The following DAB2IP variants were observed in gnomAD, a reference collection of about 807,000 sequenced individuals.
The protein encoded by DAB2IP is DAB2 interacting protein.
In DAB2IP, 28 loss-of-function variants were observed where a neutral mutation model predicts 107.2. That is an observed-to-expected ratio of 0.26 (90% CI 0.19 to 0.36). The LOEUF is 0.36. Ranked by LOEUF, DAB2IP falls within the 10% of genes least tolerant of loss-of-function variation. The probability of loss-of-function intolerance (pLI) is 1.00; values close to 1 mark genes in which losing one functional copy is unlikely to be tolerated. For missense variants in DAB2IP, 1,400 were observed against 1,644.7 expected (o/e 0.85, Z 2.57); for synonymous variants, 755 against 706.4 (o/e 1.07, Z -1.09).
At position 121,592,717 on chromosome 9, in the gene DAB2IP, T is replaced by C. The variant is rs115183513; in HGVS notation, c.40+25489T>C. ...TGCCTTGATGGAAGAACTCGACAAG[T>C]GGACATACGTGGATTTTGCAGATAT... On this transcript the variant is annotated intron_variant, in intron 1 of 16. Transcript: ENST00000259371. 3.7e-3 allele frequency among the ~76,000 whole-genome samples: 567 copies of C among 152,342 alleles called. 3 individuals carry two copies. The highest frequency in any genetic ancestry group is 0.013 in the African/African-American group (544 of 41,582).
intron 3 of DAB2IP, among the ~76,000 whole-genome samples, chr9:121,732,170 G>A (rs942457800): frequency 6.6e-6 from 1 of 152,162 alleles, no homozygotes; most frequent in African/African-American, 2.4e-5. Flanking sequence ...TCAGCCCCTG[G>A]CACACTATGC....
chr9:121,728,247 C>T (rs1831342378), intron 3 of DAB2IP, among the ~76,000 whole-genome samples: 1 of 152,114 alleles, frequency 6.6e-6, no homozygotes, highest in Non-Finnish European at 1.5e-5. Context: ...ACTCAAAACC[C>T]AGGTCAGTCT....
rs890949485 is a variant in DAB2IP at position 121,782,198 on chromosome 9, C to T, written c.3403-133C>T. The T allele has an allele frequency of 1.4e-6, 2 of 1,421,276 alleles. No individual in the cohort carries two copies. The highest frequency in any genetic ancestry group is 4.9e-5 in the Admixed American group (2 of 40,780). The allele number at this position is 1,421,276 out of a possible 1,614,324, so 88.0% of individuals were successfully genotyped here. A position where few individuals can be genotyped will look rare whatever the true frequency, so the allele number is the denominator to read the frequency against. ...GAGGCCTCTGCCTACCTTCTCTTGC[C>T]AGCTGCTCACAGCCCGGAGCCTGCC... On this transcript the variant is annotated intron_variant, in intron 15 of 15. Transcript: ENST00000408936. The surrounding 1 kb of genome is among the most constrained non-coding windows in gnomAD (Gnocchi z 6.1).
At chr9:121,679,046 C>T (rs531785606) in intron 2 of DAB2IP, among the ~76,000 whole-genome samples, 7 of 152,330 alleles carry the variant, frequency 4.6e-5, no homozygotes, top group East Asian at 1.9e-4. Flanking sequence ...TGGGGCCCAG[C>T]GCTGAGCTGG....
At chr9:121,708,161 C>T (rs972392250) in intron 3 of DAB2IP, among the ~76,000 whole-genome samples, 1 of 152,184 alleles carries the variant, frequency 6.6e-6, no homozygotes, top group Admixed American at 6.5e-5. Context: ...AGTGACTTGC[C>T]TAAGCACTTC....
intron 1 of DAB2IP, among the ~76,000 whole-genome samples, chr9:121,625,020 T>C (rs1013726575): frequency 5.9e-5 from 9 of 152,058 alleles, no homozygotes; most frequent in Non-Finnish European, 1.2e-4. Context: ...GTCCAGGGCA[T>C]GGATGAGGGG....
At chr9:121,611,793 C>G (rs1384892329) in intron 1 of DAB2IP, among the ~76,000 whole-genome samples, 1 of 152,024 alleles carries the variant, frequency 6.6e-6, no homozygotes, top group Non-Finnish European at 1.5e-5. Context: ...CCATGTTTGC[C>G]AGGGTGGTCT....
intron 1 of DAB2IP, among the ~76,000 whole-genome samples, chr9:121,637,081 C>G (rs1832115103): frequency 6.6e-6 from 1 of 152,226 alleles, no homozygotes; most frequent in African/African-American, 2.4e-5. Flanking sequence ...TAGCCTCCAG[C>G]CCCTTCTCAT....
At chr9:121,624,817 C>T (rs1189428422) in intron 1 of DAB2IP, among the ~76,000 whole-genome samples, 1 of 152,206 alleles carries the variant, frequency 6.6e-6, no homozygotes, top group African/African-American at 2.4e-5. Flanking sequence ...ACTGTACCTA[C>T]CTTCTGGAAT....
chr9:121,635,251 T>C lies in DAB2IP; in HGVS notation c.41-43427T>C, dbSNP rs1235431736. Among the ~76,000 whole-genome samples, 1 of 152,140 alleles carries C rather than the reference T, an allele frequency of 6.6e-6. No homozygotes were observed. The highest frequency in any genetic ancestry group is 2.4e-5 in the African/African-American group (1 of 41,420). ...ACAGCACTAATTCAATGCCTAAAAA[T>C]AACCTCGGACCTGGTAGGGCACTTC... On this transcript the variant is annotated intron_variant, in intron 1 of 16. Transcript: ENST00000259371. This position sits in a 1 kb window ranked among gnomAD's most constrained non-coding sequence, Gnocchi z 4.3.
chr9:121,672,987 G>T (rs1833741977), intron 1 of DAB2IP, among the ~76,000 whole-genome samples: 1 of 152,234 alleles, frequency 6.6e-6, no homozygotes, highest in East Asian at 1.9e-4. Flanking sequence ...CCCCGAGGCT[G>T]AATCCCCAGG....
chr9:121,712,873 A>T (rs1273286173), intron 3 of DAB2IP, among the ~76,000 whole-genome samples: 1 of 152,234 alleles, frequency 6.6e-6, no homozygotes, highest in Non-Finnish European at 1.5e-5. Flanking sequence ...TAGAGGCTTT[A>T]ATGTGCCAGC....
At chr9:121,664,487 A>T (rs1298040629) in intron 1 of DAB2IP, among the ~76,000 whole-genome samples, 1 of 152,212 alleles carries the variant, frequency 6.6e-6, no homozygotes, top group African/African-American at 2.4e-5. Context: ...TTGGGGAGAA[A>T]TGTCAACTAA....
At chr9:121,624,756 C>T (rs758793972) in intron 1 of DAB2IP, among the ~76,000 whole-genome samples, 19 of 152,206 alleles carry the variant, frequency 1.2e-4, no homozygotes, top group Non-Finnish European at 2.5e-4. Context: ...ACAACAAAAT[C>T]GCCTAATGAT....
chr9:121,651,686 A>G lies in DAB2IP; in HGVS notation c.-90A>G. 1 of 1,121,412 alleles carries G rather than the reference A, an allele frequency of 8.9e-7. No individual in the cohort carries two copies. Among genetic ancestry groups the G allele is most frequent in the Non-Finnish European group, 1.1e-6 (1 of 918,514 alleles). The allele number at this position is 1,121,412 out of a possible 1,614,324, so 69.5% of individuals were successfully genotyped here. A position where few individuals can be genotyped will look rare whatever the true frequency, so the allele number is the denominator to read the frequency against. ...CGGCCGCTCGGGCGAGCGCGGGAGA[A>G]CGCGTGGGCGCCCGCCGGGCTGTCC... On this transcript the variant is annotated 5_prime_UTR_variant, in exon 1 of 16. Transcript: ENST00000408936. This position sits in a 1 kb window ranked among gnomAD's most constrained non-coding sequence, Gnocchi z 5.1.
intron 1 of DAB2IP, among the ~76,000 whole-genome samples, chr9:121,583,250 G>T (rs867272291): frequency 1.3e-5 from 2 of 152,182 alleles, no homozygotes; most frequent in Admixed American, 6.5e-5. Context: ...TTAGTCGAGC[G>T]TGGTGGCAGG....
Position 121,736,706 on chromosome 9 carries a change from CG to C in DAB2IP, c.363-20306del, listed in dbSNP as rs1472497586. Reference sequence around the variant, plus strand: ...GCGCCCCCAAATCTTTTGGTTCCCCCGCTCCTGCCTTCCACTGCTCTGGCTG... The same window carrying C: ...GCGCCCCCAAATCTTTTGGTTCCCCCCTCCTGCCTTCCACTGCTCTGGCTG... On this transcript the variant is annotated intron_variant, in intron 3 of 15. Coordinates refer to ENST00000408936, the Ensembl canonical transcript of DAB2IP. The surrounding 1 kb of genome is among the most constrained non-coding windows in gnomAD (Gnocchi z 4.6). Among the ~76,000 whole-genome samples, 1 of 152,222 alleles carries C rather than the reference CG, an allele frequency of 6.6e-6. No individual in the cohort carries two copies. The highest frequency in any genetic ancestry group is 2.4e-5 in the African/African-American group (1 of 41,458).
chr9:121,744,190 T>C (rs1204804209), intron 3 of DAB2IP, among the ~76,000 whole-genome samples: 3 of 152,168 alleles, frequency 2.0e-5, no homozygotes. Context: ...CTGCCCCAGC[T>C]CCTCAGCAGA....
chr9:121,781,669 C>A (rs1366256914), intron 15 of DAB2IP, 118 bp downstream of exon 15: 16 of 1,002,734 alleles, frequency 1.6e-5, no homozygotes, highest in African/African-American at 1.1e-4. Flanking sequence ...GAATAAGAAA[C>A]CAGAATCTGC....
Sources: allele counts gnomAD v4.1 joint callset (sites outside exome capture counted in the v4.1 genomes callset), GRCh38; gene constraint gnomAD v4.1.1; non-coding constraint Gnocchi (gnomAD v3.1); transcripts MANE v1.5; gene names NCBI Gene and HGNC (gene_info 2026-07-23, HGNC 2026-07-21).